EFHB: variants seen among roughly 807,000 people sequenced by gnomAD.
The protein encoded by EFHB is EF-hand domain-containing family member B.
A neutral mutation model predicts 87.2 loss-of-function variants in EFHB; 91 were observed. The ratio of observed to expected loss-of-function variants is 1.04; its 90% CI spans 0.88 to 1.24. EFHB has a LOEUF of 1.24. EFHB is among the 50% of genes most tolerant of loss of function. EFHB has a pLI of 0.00. For synonymous variants in EFHB, 325 were observed against 333.6 expected (o/e 0.97, Z 0.28); for missense variants, 1,084 against 998.8 (o/e 1.09, Z -1.15).
intron 4 of EFHB, 108 bp downstream of exon 4, chr3:19,918,124 A>G: frequency 3.4e-6 from 4 of 1,175,204 alleles, no homozygotes; most frequent in Non-Finnish European, 3.5e-6. Context: ...TTCTTGAGTC[A>G]TCGTTTACAC....
intron 9 of EFHB, among the ~76,000 whole-genome samples, chr3:19,892,789 A>C (rs1037420161): frequency 1.3e-5 from 2 of 152,038 alleles, no homozygotes; most frequent in African/African-American, 4.8e-5. Flanking sequence ...TCAGAGTTCA[A>C]GCCTGCAGTG....
In EFHB at chr3:19,898,793, G is replaced by A. The variant is rs200229162; in HGVS notation, c.1555C>T (p.Arg519Cys). 1.0e-4 allele frequency: 161 copies of A among 1,613,616 alleles called. 1 individual carries two copies. Among genetic ancestry groups the A allele is most frequent in the South Asian group, 9.5e-4 (86 of 90,974 alleles). ...PPDCTFGACL[R>C]PEEYGVGDLI... ...GTATATTTACCATATTCCTCAGGAC[G>A]GAGACAAGCTCCAAATGTGCAGTCT... Residue 519 changes from arginine (R) to cysteine (C), a missense_variant, in exon 8 of 13, where the codon CGT becomes TGT. Coordinates refer to ENST00000295824, the MANE Select transcript of EFHB (RefSeq NM_144715.4).
At chr3:19,884,982 G>A (rs1481523360) in intron 10 of EFHB, among the ~76,000 whole-genome samples, 1 of 151,782 alleles carries the variant, frequency 6.6e-6, no homozygotes, top group African/African-American at 2.4e-5. Context: ...AGCACTTTGG[G>A]AGGCTGAGGT....
rs551294996 is a variant in EFHB at position 19,914,425 on chromosome 3, G to A, written c.1288+878C>T. ...AGACTTTACTTAGCATCAACATACT[G>A]GCAATTGAGTTTTATTTTATAGCAC... is the stretch of plus-strand genomic sequence containing the variant. On this transcript the variant is annotated intron_variant, in intron 5 of 12. Coordinates refer to ENST00000295824, the MANE Select transcript of EFHB (RefSeq NM_144715.4). Among the ~76,000 whole-genome samples the A allele has an allele frequency of 3.3e-5, 5 of 151,976 alleles. No individual in the cohort carries two copies. The South Asian group carries it at 1.0e-3, about 32-fold the overall frequency.
chr3:19,914,058 C>T (rs2931397), intron 5 of EFHB, among the ~76,000 whole-genome samples: 24,516 of 152,148 alleles, frequency 0.16, 2,165 homozygotes, highest in South Asian at 0.25. Context: ...ATCCTCCCAT[C>T]TCAGCCTCCC....
At chr3:19,896,622 T>C (rs1694492658) in intron 9 of EFHB, 65 bp downstream of exon 9, 15 of 1,608,306 alleles carry the variant, frequency 9.3e-6, no homozygotes, top group Non-Finnish European at 1.3e-5. Context: ...TGACCCCTGA[T>C]CTACACCAAA....
intron 9 of EFHB, among the ~76,000 whole-genome samples, chr3:19,896,294 G>A (rs1167540495): frequency 6.6e-6 from 1 of 152,200 alleles, no homozygotes; most frequent in Non-Finnish European, 1.5e-5. Context: ...TCCTGACTCA[G>A]TATTTTCTGA....
intron 6 of EFHB, among the ~76,000 whole-genome samples, chr3:19,903,536 C>T (rs993858879): frequency 3.3e-5 from 5 of 151,806 alleles, no homozygotes; most frequent in African/African-American, 1.2e-4. Context: ...ATAATATCTT[C>T]ATACTTTACA....
chr3:19,934,432 G>GCCCTCT (rs1695959108), upstream of EFHB, among the ~76,000 whole-genome samples: 8 of 45,510 alleles, frequency 1.8e-4, 1 homozygote, highest in South Asian at 3.9e-3. Flanking sequence ...CCTCTCCTTT[G>GCCCTCT]CCCTCTCCCT....
At chr3:19,930,519 C>T (rs937001067) in intron 1 of EFHB, among the ~76,000 whole-genome samples, 1 of 152,196 alleles carries the variant, frequency 6.6e-6, no homozygotes, top group South Asian at 2.1e-4. Flanking sequence ...CCCATTCGCT[C>T]TTCAGTATAT....
At chr3:19,914,894 AG>A (rs1695173587) in intron 5 of EFHB, among the ~76,000 whole-genome samples, 2 of 152,064 alleles carry the variant, frequency 1.3e-5, no homozygotes, top group African/African-American at 4.8e-5. Flanking sequence ...GTTTCAGAAC[AG>A]CGTGGACAAC....
intron 1 of EFHB, among the ~76,000 whole-genome samples, chr3:19,941,734 G>A (rs1026801676): frequency 2.0e-5 from 3 of 151,712 alleles, no homozygotes; most frequent in Non-Finnish European, 4.4e-5. Flanking sequence ...GTGCATGCCT[G>A]TAATCCCAGC....
At chr3:19,943,091 AT>A in intron 1 of EFHB, 2 of 258,832 alleles carry the variant, frequency 7.7e-6, no homozygotes. Flanking sequence ...TCTGTGTCCA[AT>A]CAGCAATCAG....
At chr3:19,880,877 A>G (rs988907794) in intron 12 of EFHB, among the ~76,000 whole-genome samples, 4 of 152,158 alleles carry the variant, frequency 2.6e-5, no homozygotes, top group African/African-American at 7.2e-5. Context: ...AAATGAAACT[A>G]AATTTAAAAG....
chr3:19,941,465 C>G (rs900369369), intron 1 of EFHB: 1 of 159,614 alleles, frequency 6.3e-6, no homozygotes, highest in Non-Finnish European at 1.4e-5. Context: ...AATGGTGGAC[C>G]ACTTGGTTGT....
At chr3:19,912,580 T>TAACTG (rs1695099948) in intron 5 of EFHB, among the ~76,000 whole-genome samples, 1 of 150,058 alleles carries the variant, frequency 6.7e-6, no homozygotes, top group Admixed American at 6.6e-5. Flanking sequence ...TATAACACCG[T>TAACTG]AACTGTGGTA....
intron 4 of EFHB, 86 bp downstream of exon 4, chr3:19,918,146 A>T: frequency 7.7e-7 from 1 of 1,296,116 alleles, no homozygotes; most frequent in Non-Finnish European, 1.1e-6. Context: ...ATCACCAAAC[A>T]TCATACAAAT....
intron 1 of EFHB, among the ~76,000 whole-genome samples, chr3:19,926,893 C>T (rs1695650790): frequency 6.8e-6 from 1 of 147,094 alleles, no homozygotes; most frequent in Non-Finnish European, 1.5e-5. Context: ...CTCCCAACCT[C>T]AGGTGATCCA....
chr3:19,938,681 A>G, upstream of EFHB, among the ~76,000 whole-genome samples: 1 of 152,112 alleles, frequency 6.6e-6, no homozygotes, highest in East Asian at 1.9e-4. Context: ...GAATCTTGCA[A>G]TCACCTTTAC....
Sources: allele counts gnomAD v4.1 joint callset (sites outside exome capture counted in the v4.1 genomes callset), GRCh38; gene constraint gnomAD v4.1.1; transcripts MANE v1.5; gene names NCBI Gene and HGNC (gene_info 2026-07-23, HGNC 2026-07-21).